The following ANK2 variants were observed in gnomAD, a reference collection of about 807,000 sequenced individuals.
ANK2 encodes ankyrin 2.
Under a neutral mutation model 360.5 loss-of-function variants are expected in ANK2, and 83 were observed. The ratio of observed to expected loss-of-function variants is 0.23; its 90% confidence interval spans 0.19 to 0.28. The LOEUF (loss-of-function observed/expected upper bound fraction) is 0.28, where lower values mean the gene tolerates loss of function less well. ANK2 is among the 10% of genes least tolerant of loss of function. The pLI, the probability that ANK2 is intolerant of heterozygous loss-of-function variation, is 1.00. For missense variants in ANK2, 4,201 were observed against 4,795.7 expected (o/e 0.88, Z 3.66); for synonymous variants, 1,740 against 1,759.5 (o/e 0.99, Z 0.28).
At chr4:112,724,963 G>A in the ANK2 span, among the ~76,000 whole-genome samples, 6 of 152,080 alleles carry the variant, frequency 3.9e-5, no homozygotes, top group African/African-American at 1.4e-4. Context: ...TACATACAGT[G>A]GAATATTCTT....
intron 1 of ANK2, among the ~76,000 whole-genome samples, chr4:113,146,585 T>G (rs1160025574): frequency 6.6e-6 from 1 of 152,144 alleles, no homozygotes. Context: ...TTTTTAAATC[T>G]TTATTAAAAT....
chr4:113,180,604 A>G lies in ANK2; in HGVS notation c.186+6087A>G, dbSNP rs138944226. ...TATCTGGGTTGCATTAAACTGAAAT[A>G]TTTATCTGGAACTAAAATCTTTTTC... On this transcript the variant is annotated intron_variant, in intron 2 of 45. Transcript: ENST00000357077. Among the ~76,000 whole-genome samples the G allele has an allele frequency of 1.7e-4, 26 of 152,314 alleles. 1 individual carries two copies. In the East Asian group the frequency reaches 4.8e-3, roughly 28 times the overall value.
chr4:112,748,010 T>G, the ANK2 span, among the ~76,000 whole-genome samples: 1 of 152,228 alleles, frequency 6.6e-6, no homozygotes, highest in Admixed American at 6.5e-5. Flanking sequence ...GATTATAATG[T>G]GTTCTACATT....
Position 113,353,903 on chromosome 4 carries a change from C to G in ANK2, c.5285C>G (p.Pro1762Arg). 1 of 1,614,056 alleles carries G rather than the reference C, an allele frequency of 6.2e-7. No individual in the cohort carries two copies. Among genetic ancestry groups the G allele is most frequent in the Non-Finnish European group, 8.5e-7 (1 of 1,179,968 alleles). ...KATSPLIEET[P>R]IGSIKDKVKA... ...ACATCTCCTTTGATAGAAGAAACTC[C>G]CATTGGTTCCATAAAGGACAAAGTA... The change falls in exon 38 of 46, where the codon CCC (proline) becomes CGC (arginine). Residue 1762 changes from proline to arginine, a missense_variant. Physicochemically the swap from Pro to Arg is moderately radical, Grantham distance 103. This residue lies in a region of ANK2 where 2,642 missense variants were observed against 2,714.5 expected (regional missense o/e 0.97). Transcript: ENST00000357077.
chr4:113,044,617 G>A (rs1003491924), intron 2 of ANK2, among the ~76,000 whole-genome samples: 3 of 152,132 alleles, frequency 2.0e-5, no homozygotes, highest in African/African-American at 7.2e-5. Context: ...CCTTCTGAAG[G>A]CTCTGGAGAA....
At chr4:112,934,014 C>G (rs1248631739) in intron 2 of ANK2, among the ~76,000 whole-genome samples, 2 of 151,472 alleles carry the variant, frequency 1.3e-5, no homozygotes, top group East Asian at 3.9e-4. Context: ...TAAAGATGCT[C>G]GGGAGATTGA....
chr4:112,837,169 C>T (rs2061168138), intron 1 of ANK2, among the ~76,000 whole-genome samples: 2 of 152,218 alleles, frequency 1.3e-5, no homozygotes, highest in South Asian at 2.1e-4. Flanking sequence ...ATCCCAGCAG[C>T]TCCAGTTCCA....
chr4:113,140,553 A>G (rs1321989913), intron 1 of ANK2, among the ~76,000 whole-genome samples: 1 of 152,212 alleles, frequency 6.6e-6, no homozygotes. Flanking sequence ...TTCTTGAATA[A>G]TCCTTGGATC....
At chr4:113,020,916 G>A (rs1271179103) in intron 2 of ANK2, among the ~76,000 whole-genome samples, 1 of 152,058 alleles carries the variant, frequency 6.6e-6, no homozygotes, top group East Asian at 1.9e-4. Flanking sequence ...TAGAGGATAA[G>A]GATATAAAAT....
upstream of ANK2, among the ~76,000 whole-genome samples, chr4:112,813,681 G>A (rs1044976683): frequency 2.0e-5 from 3 of 152,092 alleles, no homozygotes; most frequent in African/African-American, 7.2e-5. Flanking sequence ...GACCACAGGT[G>A]TGCACCACCA....
chr4:113,203,008 A>G (rs2098859875), intron 4 of ANK2, among the ~76,000 whole-genome samples: 1 of 152,196 alleles, frequency 6.6e-6, no homozygotes, highest in African/African-American at 2.4e-5. Flanking sequence ...GTTCTTTGGT[A>G]TCCTAGATTC....
At chr4:113,288,109 A>G (rs181615815) in intron 19 of ANK2, among the ~76,000 whole-genome samples, 239 of 152,292 alleles carry the variant, frequency 1.6e-3, no homozygotes, top group African/African-American at 5.3e-3. Context: ...TGTTTCCTGC[A>G]TCTCCTATCA....
At chr4:113,053,455 G>A (rs1391553640) in intron 1 of ANK2, among the ~76,000 whole-genome samples, 2 of 152,164 alleles carry the variant, frequency 1.3e-5, no homozygotes, top group African/African-American at 4.8e-5. Context: ...TTCTAGTGGT[G>A]GTTCAGTGGC....
chr4:112,863,514 CTTTTTTTTTTTTTTT>C (rs952398354), intron 1 of ANK2, among the ~76,000 whole-genome samples: 1 of 107,038 alleles, frequency 9.3e-6, no homozygotes, highest in South Asian at 3.3e-4. Context: ...TTTAGAGTAT[CTTTTTTTTTTTTTTT>C]TTTTTTTTTT....
the ANK2 span, among the ~76,000 whole-genome samples, chr4:112,784,565 GAT>G: frequency 6.6e-6 from 1 of 151,646 alleles, no homozygotes; most frequent in Non-Finnish European, 1.5e-5. Flanking sequence ...GGATGGTCTC[GAT>G]CTCCTGACCT....
At chr4:113,045,316 C>T (rs2064004626), upstream of ANK2, among the ~76,000 whole-genome samples, 1 of 152,186 alleles carries the variant, frequency 6.6e-6, no homozygotes, top group Non-Finnish European at 1.5e-5. Context: ...GGGTCATTGT[C>T]ATCTGACAGC....
rs754496484 is a variant in ANK2 at position 113,277,875 on chromosome 4, A to C, written c.1722A>C (p.Gly574=). ...CCCTGCATGTAGCAGCCAAGTATGGAAGCCTGGATGTGGCAAAACTTCTCT... is the reference window on the plus strand; with the variant it reads ...CCCTGCATGTAGCAGCCAAGTATGGCAGCCTGGATGTGGCAAAACTTCTCT... ...FTPLHVAAKY[G]SLDVAKLLLQ... is the part of the protein sequence containing the mutation. Residue 574 remains glycine (G), a synonymous_variant, in exon 16 of 46, where the codon GGA becomes GGC. Transcript: ENST00000357077. The C allele has an allele frequency of 6.2e-6, 10 of 1,614,000 alleles. No homozygotes were observed. In the African/African-American group the frequency reaches 1.2e-4, roughly 19 times the overall value.
chr4:113,381,522 T>A lies in ANK2; in HGVS notation c.*51T>A. 6.2e-7 allele frequency: 1 copy of A among 1,613,922 alleles called. No homozygotes were observed. The highest frequency in any genetic ancestry group is 8.5e-7 in the Non-Finnish European group (1 of 1,179,918). ...GTGAAGGACCAGCATGGAAAACGCA[T>A]TGACTTGGAGCACCTGGAGGATGTA... is the stretch of plus-strand genomic sequence containing the variant. On this transcript the variant is annotated 3_prime_UTR_variant, in exon 46 of 46. Transcript: ENST00000357077.
At chr4:112,894,558 A>G (rs2150731120) in intron 1 of ANK2, among the ~76,000 whole-genome samples, 1 of 152,348 alleles carries the variant, frequency 6.6e-6, no homozygotes, top group African/African-American at 2.4e-5. Context: ...ATTATGAGGA[A>G]CTAAACATTT....
Sources: allele counts gnomAD v4.1 joint callset (sites outside exome capture counted in the v4.1 genomes callset), GRCh38; gene constraint gnomAD v4.1.1; regional missense constraint gnomAD v4.1.1; transcripts MANE v1.5; gene names NCBI Gene and HGNC (gene_info 2026-07-23, HGNC 2026-07-21).